NRXN3: variants seen among roughly 807,000 people sequenced by gnomAD.
The protein encoded by NRXN3 is neurexin III.
NRXN3 carries 32 observed loss-of-function variants against 137.6 expected under a neutral mutation model. The ratio of observed to expected loss-of-function variants is 0.23; its 90% CI spans 0.18 to 0.31. The LOEUF (loss-of-function observed/expected upper bound fraction) is 0.31, where lower values mean the gene tolerates loss of function less well. NRXN3 is among the 10% of genes least tolerant of loss of function. NRXN3 has a pLI of 1.00. For synonymous variants in NRXN3, 798 were observed against 784.5 expected, an observed-to-expected ratio of 1.02 and a Z score of -0.29; for missense variants, 1,574 against 2,062.5, an observed-to-expected ratio of 0.76 and a Z score of 4.59.
At chr14:79,793,673 A>G (rs1455065277) in intron 19 of NRXN3, among the ~76,000 whole-genome samples, 1 of 152,248 alleles carries the variant, frequency 6.6e-6, no homozygotes, top group Non-Finnish European at 1.5e-5. Flanking sequence ...TAAAAGTGCT[A>G]GAATAGAATT....
intron 4 of NRXN3, among the ~76,000 whole-genome samples, chr14:78,433,050 T>C (rs66830563): frequency 0.26 from 39,130 of 152,062 alleles, 7,451 homozygotes; most frequent in African/African-American, 0.52. Context: ...TCCCCCTCCT[T>C]AGGGTCTTAC....
At chr14:79,546,194 A>G (rs2097318261) in intron 16 of NRXN3, among the ~76,000 whole-genome samples, 1 of 152,150 alleles carries the variant, frequency 6.6e-6, no homozygotes, top group Non-Finnish European at 1.5e-5. Flanking sequence ...CTTTATCAGC[A>G]CCATGAAAAT....
chr14:79,636,854 C>T (rs2098406407), intron 16 of NRXN3, among the ~76,000 whole-genome samples: 1 of 152,200 alleles, frequency 6.6e-6, no homozygotes, highest in Admixed American at 6.5e-5. Context: ...GGAAAGAACA[C>T]TTGAGAACCT....
In NRXN3 at chr14:79,034,200, T is replaced by G. The variant is rs567860065; in HGVS notation, c.3262+46059T>G. Among the ~76,000 whole-genome samples, 24 of 152,204 alleles carry G rather than the reference T, an allele frequency of 1.6e-4. 1 individual carries two copies. The highest frequency in any genetic ancestry group is 5.8e-4 in the African/African-American group (24 of 41,552). On this transcript the variant is annotated intron_variant, in intron 15 of 20. Transcript: ENST00000335750. The stretch of plus-strand genomic sequence containing the variant: ...TTGTACTGAGTTCTCCTGTGACTCT[T>G]ATGCTCCCTCATGTTTAAGATTCTA...
chr14:79,041,392 C>T (rs886930482), intron 15 of NRXN3, among the ~76,000 whole-genome samples: 1 of 152,160 alleles, frequency 6.6e-6, no homozygotes, highest in Non-Finnish European at 1.5e-5. Context: ...GGAGCAGATC[C>T]ATTATGACAC....
intron 15 of NRXN3, among the ~76,000 whole-genome samples, chr14:79,142,501 A>G (rs2058895480): frequency 6.6e-6 from 1 of 152,166 alleles, no homozygotes; most frequent in Non-Finnish European, 1.5e-5. Context: ...ACATTTGAGC[A>G]AAGATATGAA....
At chr14:78,818,367 C>T (rs894051116) in intron 10 of NRXN3, among the ~76,000 whole-genome samples, 1 of 151,956 alleles carries the variant, frequency 6.6e-6, no homozygotes, top group Non-Finnish European at 1.5e-5. Flanking sequence ...ATCCATTGCG[C>T]TACCTTAATT....
intron 4 of NRXN3, among the ~76,000 whole-genome samples, chr14:78,340,232 A>T (rs1306803664): frequency 6.6e-6 from 1 of 152,136 alleles, no homozygotes; most frequent in East Asian, 1.9e-4. Flanking sequence ...TAGTGAGTGG[A>T]GGAGAGAAGG....
intron 2 of NRXN3, among the ~76,000 whole-genome samples, chr14:78,270,590 T>G (rs1049199455): frequency 6.6e-6 from 1 of 152,204 alleles, no homozygotes; most frequent in African/African-American, 2.4e-5. Flanking sequence ...TTGCAAGGCT[T>G]AAACAGGTCA....
chr14:79,620,384 A>G (rs1336629250), intron 16 of NRXN3, among the ~76,000 whole-genome samples: 1 of 152,138 alleles, frequency 6.6e-6, no homozygotes, highest in Non-Finnish European at 1.5e-5. Context: ...TATGTGTTTT[A>G]AGTAGAAATG....
intron 4 of NRXN3, among the ~76,000 whole-genome samples, chr14:78,618,873 A>G (rs1341272614): frequency 6.6e-6 from 1 of 152,224 alleles, no homozygotes; most frequent in Non-Finnish European, 1.5e-5. Context: ...ATAAAAGAGG[A>G]CTTCTGTAGA....
intron 15 of NRXN3, among the ~76,000 whole-genome samples, chr14:79,058,005 T>G (rs1281235416): frequency 6.6e-6 from 1 of 152,184 alleles, no homozygotes; most frequent in Non-Finnish European, 1.5e-5. Flanking sequence ...CAATTGATAA[T>G]TATTTTTCTT....
At chr14:79,178,482 A>G (rs2062587246) in intron 15 of NRXN3, among the ~76,000 whole-genome samples, 1 of 152,198 alleles carries the variant, frequency 6.6e-6, no homozygotes. Context: ...AAATTGTTCT[A>G]AAGGAATGGA....
intron 4 of NRXN3, among the ~76,000 whole-genome samples, chr14:78,539,224 G>A (rs1382905685): frequency 6.6e-6 from 1 of 152,120 alleles, no homozygotes; most frequent in African/African-American, 2.4e-5. Context: ...GTAGAATTTG[G>A]CAGTGAATCC....
rs60596302 is a variant in NRXN3 at position 79,284,343 on chromosome 14, C to CATATATATATATATAT, written c.3263-182851_3263-182836dup. ...GGAAACCCCGTCTCTACTAAAAATA[C>CATATATATATATATAT]ATATATATATATATATATATATATA... is the stretch of plus-strand genomic sequence containing the variant. On this transcript the variant is annotated intron_variant, in intron 15 of 20. Transcript: ENST00000335750. Among the ~76,000 whole-genome samples, 88 of 65,082 alleles carry CATATATATATATATAT rather than the reference C, an allele frequency of 1.4e-3. 2 individuals are homozygous for CATATATATATATATAT. The highest frequency in any genetic ancestry group is 1.6e-3 in the Non-Finnish European group (55 of 33,982). The allele number at this position is 65,082 out of a possible 152,430, so 42.7% of individuals were successfully genotyped here. A position where few individuals can be genotyped will look rare whatever the true frequency, so the allele number is the denominator to read the frequency against.
intron 15 of NRXN3, among the ~76,000 whole-genome samples, chr14:79,371,994 T>A (rs947108834): frequency 6.6e-6 from 1 of 152,206 alleles, no homozygotes; most frequent in Admixed American, 6.5e-5. Flanking sequence ...GCCAAATATC[T>A]TTTCTCACTT....
At chr14:78,430,583 A>G (rs969656120) in intron 4 of NRXN3, among the ~76,000 whole-genome samples, 1 of 152,172 alleles carries the variant, frequency 6.6e-6, no homozygotes, top group African/African-American at 2.4e-5. Flanking sequence ...CCTCAGATTT[A>G]TAGCCAAAAA....
intron 10 of NRXN3, among the ~76,000 whole-genome samples, chr14:78,955,521 T>C (rs1271295178): frequency 6.6e-6 from 1 of 152,212 alleles, no homozygotes; most frequent in African/African-American, 2.4e-5. Context: ...ATTCCTAAGA[T>C]TCATTGCTCT....
intron 16 of NRXN3, among the ~76,000 whole-genome samples, chr14:79,606,595 A>T (rs1204029380): frequency 6.6e-6 from 1 of 152,210 alleles, no homozygotes; most frequent in Non-Finnish European, 1.5e-5. Flanking sequence ...AGGTATTATG[A>T]TTCTTTCATA....
Sources: gnomAD v4.1 joint callset for allele counts (sites outside exome capture counted in the v4.1 genomes callset) on GRCh38, gnomAD v4.1.1 for gene constraint, MANE v1.5 for transcripts, NCBI Gene and HGNC (gene_info 2026-07-23, HGNC 2026-07-21) for gene names.